CIRSR: variants seen among roughly 807,000 people sequenced by gnomAD.
CIRSR encodes CBF1 (RBPJ) interacting corepressor 1.
the CIRSR span, among the ~76,000 whole-genome samples, chr2:174,383,381 C>G: frequency 6.6e-6 from 1 of 152,172 alleles, no homozygotes; most frequent in African/African-American, 2.4e-5. Context: ...ACAACAAACA[C>G]TTTAAACAGG....
the CIRSR span, among the ~76,000 whole-genome samples, chr2:174,355,962 T>C: frequency 2.0e-5 from 3 of 152,116 alleles, no homozygotes; most frequent in Non-Finnish European, 4.4e-5. Flanking sequence ...CATTCGAAGT[T>C]CATCATTCTT....
chr2:174,373,823 TC>T, the CIRSR span, among the ~76,000 whole-genome samples: 1 of 40,678 alleles, frequency 2.5e-5, no homozygotes, highest in Admixed American at 3.8e-4. Flanking sequence ...CTCAATACTA[TC>T]CCCCTGTGTG....
At chr2:174,380,572 A>T in the CIRSR span, 1 of 1,341,234 alleles carries the variant, frequency 7.5e-7, no homozygotes, top group South Asian at 1.3e-5. Context: ...TAATGATTGA[A>T]AAAGCAACAT....
chr2:174,351,022 A>G, the CIRSR span, among the ~76,000 whole-genome samples: 1 of 152,206 alleles, frequency 6.6e-6, no homozygotes, highest in Non-Finnish European at 1.5e-5. Flanking sequence ...AAATGTTTAG[A>G]GCATGACTTC....
At chr2:174,378,948 T>G in the CIRSR span, 2 of 1,613,070 alleles carry the variant, frequency 1.2e-6, no homozygotes, top group Non-Finnish European at 1.7e-6. Context: ...GAACCGAACT[T>G]GCATTGATTC....
chr2:174,392,582 A>C, the CIRSR span, among the ~76,000 whole-genome samples: 1 of 152,216 alleles, frequency 6.6e-6, no homozygotes, highest in Non-Finnish European at 1.5e-5. Flanking sequence ...CACAAGCAGC[A>C]GTGACAGAAA....
At chr2:174,354,027 C>A in the CIRSR span, among the ~76,000 whole-genome samples, 2 of 152,062 alleles carry the variant, frequency 1.3e-5, no homozygotes, top group African/African-American at 4.8e-5. Flanking sequence ...GTTTTCATCA[C>A]AAGATGGGTA....
the CIRSR span, chr2:174,387,343 G>C: frequency 5.1e-5 from 9 of 175,710 alleles, no homozygotes; most frequent in South Asian, 6.7e-4. Flanking sequence ...CTTTCCTCTT[G>C]AAAGTATGCT....
At chr2:174,369,314 CT>C in the CIRSR span, among the ~76,000 whole-genome samples, 1 of 152,210 alleles carries the variant, frequency 6.6e-6, no homozygotes, top group Non-Finnish European at 1.5e-5. Flanking sequence ...CTCTATTACC[CT>C]TCACAGAGTT....
chr2:174,369,132 T>C, the CIRSR span, among the ~76,000 whole-genome samples: 1,393 of 152,356 alleles, frequency 9.1e-3, 27 homozygotes, highest in African/African-American at 0.031. Context: ...TGTTGTTTAG[T>C]GTAACTAACT....
chr2:174,375,250 A>G, the CIRSR span, among the ~76,000 whole-genome samples: 1 of 152,176 alleles, frequency 6.6e-6, no homozygotes, highest in Non-Finnish European at 1.5e-5. Context: ...CAGGCTTTTG[A>G]TATATATCAG....
chr2:174,350,479 C>T, the CIRSR span, among the ~76,000 whole-genome samples: 2 of 152,168 alleles, frequency 1.3e-5, no homozygotes, highest in South Asian at 2.1e-4. Context: ...TACAATCTTA[C>T]ACTCATTTCC....
At chr2:174,359,382 T>G in the CIRSR span, among the ~76,000 whole-genome samples, 8 of 151,976 alleles carry the variant, frequency 5.3e-5, no homozygotes, top group African/African-American at 1.2e-4. Context: ...CAGTGATTAC[T>G]GAGTGACTAT....
the CIRSR span, among the ~76,000 whole-genome samples, chr2:174,374,351 T>C: frequency 6.6e-5 from 10 of 152,342 alleles, no homozygotes; most frequent in Middle Eastern, 0.01. Context: ...CCTTACGTAA[T>C]ACTGTACTTT....
the CIRSR span, chr2:174,348,244 A>C: frequency 6.7e-3 from 2,756 of 413,996 alleles, 71 homozygotes; most frequent in African/African-American, 0.05. Flanking sequence ...AACAAGAAAC[A>C]GTTACCAACA....
the CIRSR span, among the ~76,000 whole-genome samples, chr2:174,356,837 G>T: frequency 6.6e-6 from 1 of 151,758 alleles, no homozygotes; most frequent in Non-Finnish European, 1.5e-5. Flanking sequence ...TTTATACTAC[G>T]GAAAATTGCA....
the CIRSR span, among the ~76,000 whole-genome samples, chr2:174,363,445 A>T: frequency 1.3e-5 from 2 of 152,204 alleles, no homozygotes; most frequent in African/African-American, 4.8e-5. Flanking sequence ...GCCTAGCCAG[A>T]TAAACATAAA....
chr2:174,395,547 T>C, the CIRSR span: 5 of 1,613,972 alleles, frequency 3.1e-6, no homozygotes, highest in South Asian at 4.4e-5. Flanking sequence ...GTCTGTTTAC[T>C]CACTTTTTTG....
At chr2:174,368,913 T>C in the CIRSR span, among the ~76,000 whole-genome samples, 1 of 152,166 alleles carries the variant, frequency 6.6e-6, no homozygotes, top group African/African-American at 2.4e-5. Context: ...ACATGCAAAG[T>C]AGATTTAGCA....
Sources: gnomAD v4.1 joint callset for allele counts (sites outside exome capture counted in the v4.1 genomes callset) on GRCh38, gnomAD v4.1.1 for gene constraint, MANE v1.5 for transcripts, NCBI Gene and HGNC (gene_info 2026-07-23, HGNC 2026-07-21) for gene names.